Variants in RRN3 observed in about 807,000 individuals in gnomAD.
The protein encoded by RRN3 is RNA polymerase I-specific transcription initiation factor RRN3.
Under a neutral mutation model 82.3 loss-of-function variants are expected in RRN3, and 38 were observed. The observed-to-expected ratio is 0.46, with a 90% CI of 0.36 to 0.61. The LOEUF is 0.61. RRN3 is among the 20% of genes least tolerant of loss of function. The probability of loss-of-function intolerance (pLI) is 0.00; values close to 1 mark genes in which losing one functional copy is unlikely to be tolerated. For missense variants in RRN3, 726 were observed against 793.1 expected (o/e 0.92, Z 1.02); for synonymous variants, 284 against 284.3 (o/e 1.00, Z 0.01).
intron 10 of RRN3, 124 bp downstream of exon 10, chr16:15,076,434 G>GT (rs1484718815): frequency 1.4e-6 from 1 of 739,276 alleles, no homozygotes; most frequent in African/African-American, 1.7e-5. Flanking sequence ...ATAAGGAATC[G>GT]TTTTCAAGTT....
intron 3 of RRN3, among the ~76,000 whole-genome samples, chr16:15,087,420 G>T (rs1289839495): frequency 6.6e-6 from 1 of 152,124 alleles, no homozygotes; most frequent in African/African-American, 2.4e-5. Flanking sequence ...TAAAGAAGCA[G>T]GTCCAAACCC....
chr16:15,080,277 A>G (rs1011172661), intron 8 of RRN3, among the ~76,000 whole-genome samples, 181 bp from the exon 9 acceptor site: 37 of 152,218 alleles, frequency 2.4e-4, no homozygotes, highest in Non-Finnish European at 7.3e-5. Flanking sequence ...AATCATTTCA[A>G]TTATTCCCAG....
chr16:15,064,059 T>C (rs60983572), intron 16 of RRN3, among the ~76,000 whole-genome samples: 15,615 of 152,272 alleles, frequency 0.1, 949 homozygotes, highest in East Asian at 0.24. Flanking sequence ...ATGATGCTGC[T>C]AGTTATTTTA....
intron 11 of RRN3, 63 bp from the exon 12 acceptor site, chr16:15,073,143 A>G: frequency 6.5e-7 from 1 of 1,549,708 alleles, no homozygotes; most frequent in Non-Finnish European, 8.8e-7. Flanking sequence ...CATCTGCCAT[A>G]TTTTTTATAA....
At chr16:15,090,946 T>C (rs1202960314) in intron 3 of RRN3, among the ~76,000 whole-genome samples, 2 of 142,886 alleles carry the variant, frequency 1.4e-5, no homozygotes, top group African/African-American at 2.6e-5. Context: ...AGGAAAGAGG[T>C]AGTAATCTAA....
chr16:15,087,689 A>AACC (rs545596820), intron 3 of RRN3, among the ~76,000 whole-genome samples: 126 of 152,360 alleles, frequency 8.3e-4, no homozygotes, highest in African/African-American at 3.0e-3. Flanking sequence ...CATTAACGGT[A>AACC]GCTCACTAAG....
intron 10 of RRN3, among the ~76,000 whole-genome samples, 180 bp from the exon 11 acceptor site, chr16:15,075,041 G>C (rs1349941826): frequency 6.6e-6 from 1 of 152,060 alleles, no homozygotes; most frequent in Non-Finnish European, 1.5e-5. Context: ...CTTGAGGTCA[G>C]GAGTTTGAGA....
At chr16:15,084,132 A>G (rs2045818490) in intron 7 of RRN3, among the ~76,000 whole-genome samples, 1 of 152,256 alleles carries the variant, frequency 6.6e-6, no homozygotes, top group South Asian at 2.1e-4. Flanking sequence ...TCTCCCACAG[A>G]AACATAACAG....
intron 12 of RRN3, among the ~76,000 whole-genome samples, chr16:15,071,539 G>A (rs377104184): frequency 8.9e-4 from 136 of 152,248 alleles, no homozygotes; most frequent in African/African-American, 3.0e-3. Flanking sequence ...AGGCCGAGGC[G>A]GGTGGATCAC....
chr16:15,085,877 TA>T (rs1859464986), intron 5 of RRN3, among the ~76,000 whole-genome samples, 179 bp from the exon 6 acceptor site: 1 of 152,204 alleles, frequency 6.6e-6, no homozygotes, highest in African/African-American at 2.4e-5. Context: ...AGCAACTTTA[TA>T]GTTTTTAAAC....
At position 15,083,500 on chromosome 16, in the gene RRN3, A is replaced by G; in HGVS notation, c.666+13T>C. 6.2e-7 allele frequency: 1 copy of G among 1,608,660 alleles called. No individual in the cohort carries two copies. Among genetic ancestry groups the G allele is most frequent in the Non-Finnish European group, 8.5e-7 (1 of 1,178,978 alleles). On this transcript the variant is annotated intron_variant, in intron 8 of 17. Coordinates refer to ENST00000198767, the MANE Select transcript of RRN3 (RefSeq NM_018427.5). The stretch of plus-strand genomic sequence containing the variant: ...AACTTTTCCATGATGTTCTCAATGA[A>G]AAGATTTCTTACCAGTGTTCTCTCT...
At chr16:15,090,037 C>G (rs1279719681) in intron 3 of RRN3, among the ~76,000 whole-genome samples, 1 of 151,600 alleles carries the variant, frequency 6.6e-6, no homozygotes, top group Non-Finnish European at 1.5e-5. Context: ...GGTGAAACCC[C>G]GTTTCTACTA....
At chr16:15,072,429 AC>A (rs972084055) in intron 12 of RRN3, among the ~76,000 whole-genome samples, 4 of 152,170 alleles carry the variant, frequency 2.6e-5, no homozygotes, top group Non-Finnish European at 5.9e-5. Context: ...CCACCTAGTG[AC>A]CAAAAGGCAG....
Position 15,094,150 on chromosome 16 carries a change from C to A in RRN3, c.84G>T (p.Arg28Ser). 6.3e-7 allele frequency: 1 copy of A among 1,597,654 alleles called. No individual in the cohort carries two copies. The highest frequency in any genetic ancestry group is 8.5e-7 in the Non-Finnish European group (1 of 1,172,068). The part of the protein sequence containing the change: ...SSAVKKLGAS[R>S]TGISNMRALE... ...GGAAGCGGCCTGAATCTTACCCAGT[C>A]CTCGACGCGCCCAGCTTCTTAACTG... Residue 28 changes from arginine (R) to serine (S), a missense_variant, in exon 1 of 18, where the codon AGG becomes AGT. Physicochemically the swap from Arg to Ser is moderately radical, Grantham distance 110. Transcript: ENST00000198767.
At chr16:15,081,427 G>T (rs529983484) in intron 8 of RRN3, among the ~76,000 whole-genome samples, 1 of 152,134 alleles carries the variant, frequency 6.6e-6, no homozygotes, top group Admixed American at 6.5e-5. Context: ...TTGTGGGCAT[G>T]AAGTGAAATC....
rs2044717545 is a variant in RRN3 at position 15,061,710 on chromosome 16, C to G, written c.*34G>C. The stretch of plus-strand genomic sequence containing the variant: ...AGGGCATGACAAGTGATGGGGAATC[C>G]CAAATGTCACATCTCAGTCACAAAT... On this transcript the variant is annotated 3_prime_UTR_variant, in exon 18 of 18. Coordinates refer to ENST00000198767, the MANE Select transcript of RRN3 (RefSeq NM_018427.5). 1 of 1,590,082 alleles carries G rather than the reference C, an allele frequency of 6.3e-7. No homozygotes were observed. The highest frequency in any genetic ancestry group is 1.3e-5 in the African/African-American group (1 of 74,706).
chr16:15,073,787 A>T (rs374249516), intron 11 of RRN3, among the ~76,000 whole-genome samples: 1 of 152,094 alleles, frequency 6.6e-6, no homozygotes, highest in Non-Finnish European at 1.5e-5. Context: ...ATTTATTATT[A>T]CGACTTTTTT....
intron 16 of RRN3, among the ~76,000 whole-genome samples, chr16:15,063,788 TAA>T (rs761900994): frequency 5.0e-4 from 76 of 151,992 alleles, no homozygotes; most frequent in Non-Finnish European, 8.8e-4. Context: ...TCTTTCTGTA[TAA>T]GAGTTCATTC....
At position 15,094,135 on chromosome 16, in the gene RRN3, T is replaced by G; in HGVS notation, c.89+10A>C. 1 of 1,590,374 alleles carries G rather than the reference T, an allele frequency of 6.3e-7. No individual in the cohort carries two copies. Among genetic ancestry groups the G allele is most frequent in the East Asian group, 2.3e-5 (1 of 44,168 alleles). ...CCCAGATACGCAGAAGGAAGCGGCC[T>G]GAATCTTACCCAGTCCTCGACGCGC... On this transcript the variant is annotated intron_variant, in intron 1 of 17. Transcript: ENST00000198767.
Sources: allele counts gnomAD v4.1 joint callset (sites outside exome capture counted in the v4.1 genomes callset), GRCh38; gene constraint gnomAD v4.1.1; transcripts MANE v1.5; gene names NCBI Gene and HGNC (gene_info 2026-07-23, HGNC 2026-07-21).